Variants in LYRM9 observed in about 807,000 individuals in gnomAD.
LYRM9 encodes the protein LYR motif containing 9.
Under a neutral mutation model 12.6 loss-of-function variants are expected in LYRM9, and 14 were observed. The ratio of observed to expected loss-of-function variants is 1.11; its 90% CI spans 0.73 to 1.73. The LOEUF (loss-of-function observed/expected upper bound fraction) is 1.73. Among genes scored for constraint, LYRM9 ranks in the 40% most tolerant of loss-of-function variants. The probability of loss-of-function intolerance (pLI) is 0.00; values close to 1 mark genes in which losing one functional copy is unlikely to be tolerated. For synonymous variants in LYRM9, 42 were observed against 35.1 expected (o/e 1.20, Z -0.69); for missense variants, 94 against 95.0 (o/e 0.99, Z 0.04).
intron 2 of LYRM9, among the ~76,000 whole-genome samples, chr17:27,881,965 C>T (rs1014388380): frequency 6.6e-6 from 1 of 152,102 alleles, no homozygotes; most frequent in East Asian, 1.9e-4. Flanking sequence ...TTCTATGTTG[C>T]CCAGGTTGGT....
At chr17:27,880,231 A>T in intron 3 of LYRM9, 43 bp downstream of exon 3, 1 of 1,467,722 alleles carries the variant, frequency 6.8e-7, no homozygotes, top group Non-Finnish European at 9.4e-7. Context: ...CACAGCCATC[A>T]TCACCCCAGC....
chr17:27,885,044 G>A (rs757331928), intron 1 of LYRM9, among the ~76,000 whole-genome samples: 1 of 152,164 alleles, frequency 6.6e-6, no homozygotes, highest in Non-Finnish European at 1.5e-5. Context: ...CTCTGATGCT[G>A]GAGTGGATAG....
rs1438684104 is a variant in LYRM9 at position 27,888,920 on chromosome 17, G to C, written c.-19+4397C>G. On this transcript the variant is annotated intron_variant, in intron 1 of 3. Coordinates refer to ENST00000379102, the MANE Select transcript of LYRM9 (RefSeq NM_001076680.3). ...TGTAAAGTTCTACTCACTCCACAAAGAGCTCTACTCTTTGGGACAAAATCT... is the reference window on the plus strand; with the variant it reads ...TGTAAAGTTCTACTCACTCCACAAACAGCTCTACTCTTTGGGACAAAATCT... Among the ~76,000 whole-genome samples, 4 of 152,174 alleles carry C rather than the reference G, an allele frequency of 2.6e-5. No homozygotes were observed. The South Asian group carries it at 6.2e-4, about 24-fold the overall frequency.
intron 2 of LYRM9, 174 bp from the exon 3 acceptor site, chr17:27,880,540 T>C: frequency 1.7e-6 from 1 of 605,988 alleles, no homozygotes; most frequent in East Asian, 2.7e-5. Flanking sequence ...AGAGGCTCAC[T>C]TGCTGCTGAA....
rs1485417792 is a variant in LYRM9 at position 27,887,713 on chromosome 17, G to GGGGTGTGTGT, written c.-18-5002_-18-5001insACACACACCC. ...GAGAAACAGAACCTATAGGAGGGAG[G>GGGGTGTGTGT]GTGTGTGTGTGTGTGTGTGTGTGTG... On this transcript the variant is annotated intron_variant, in intron 1 of 3. Coordinates refer to ENST00000379102, the MANE Select transcript of LYRM9 (RefSeq NM_001076680.3). Among the ~76,000 whole-genome samples the GGGGTGTGTGT allele has an allele frequency of 3.1e-4, 27 of 86,830 alleles. No homozygotes were observed. The South Asian group carries it at 3.2e-3, about 10-fold the overall frequency. The allele number at this position is 86,830 out of a possible 152,430, so 57.0% of individuals were successfully genotyped here.
At position 27,887,719 on chromosome 17, in the gene LYRM9, T is replaced by G. The variant is rs986221767; in HGVS notation, c.-18-5007A>C. Among the ~76,000 whole-genome samples the G allele has an allele frequency of 8.9e-4, 36 of 40,246 alleles. 1 individual carries two copies. Among genetic ancestry groups the G allele is most frequent in the Admixed American group, 2.5e-3 (9 of 3,610 alleles). The allele number at this position is 40,246 out of a possible 152,430, so 26.4% of individuals were successfully genotyped here. ...CAGAACCTATAGGAGGGAGGGTGTGTGTGTGTGTGTGTGTGTGTGTGTGTG... is the reference window on the plus strand; with the variant it reads ...CAGAACCTATAGGAGGGAGGGTGTGGGTGTGTGTGTGTGTGTGTGTGTGTG... On this transcript the variant is annotated intron_variant, in intron 1 of 3. Coordinates refer to ENST00000379102, the MANE Select transcript of LYRM9 (RefSeq NM_001076680.3).
Position 27,878,384 on chromosome 17 carries a change from T to C in LYRM9, c.*1089A>G, listed in dbSNP as rs960609576. ...TCCACAAATTGATATATTTACTTCA[T>C]TGCCAGCGGAGTACACTCGCATACA... On this transcript the variant is annotated 3_prime_UTR_variant, in exon 4 of 4. Transcript: ENST00000379102. 5.9e-5 allele frequency: 9 copies of C among 152,270 alleles called. No individual in the cohort carries two copies. The highest frequency in any genetic ancestry group is 1.9e-4 in the African/African-American group (8 of 41,470). 9.4% of individuals were successfully genotyped at this position (152,270 alleles called of 1,614,324 possible).
At chr17:27,880,511 C>T in intron 2 of LYRM9, 145 bp from the exon 3 acceptor site, 4 of 619,660 alleles carry the variant, frequency 6.5e-6, no homozygotes, top group Non-Finnish European at 1.1e-5. Context: ...ATGATTATCC[C>T]ACACAGAGAT....
intron 1 of LYRM9, among the ~76,000 whole-genome samples, chr17:27,890,289 T>C (rs1237375894): frequency 6.6e-6 from 1 of 152,160 alleles, no homozygotes; most frequent in Non-Finnish European, 1.5e-5. Context: ...GGCACTTGAC[T>C]GCACTATTAT....
intron 1 of LYRM9, among the ~76,000 whole-genome samples, chr17:27,885,112 T>C (rs944835234): frequency 1.3e-5 from 2 of 152,128 alleles, no homozygotes; most frequent in African/African-American, 4.8e-5. Context: ...CAATGTGTGA[T>C]CTGGGGTGCA....
At chr17:27,882,919 G>T (rs1198241912) in intron 1 of LYRM9, 2 of 663,464 alleles carry the variant, frequency 3.0e-6, no homozygotes, top group Admixed American at 4.2e-5. Context: ...GACCAAAGGT[G>T]AGTGTGGAGG....
chr17:27,892,939 G>A (rs1905507140), intron 1 of LYRM9: 1 of 152,700 alleles, frequency 6.5e-6, no homozygotes, highest in Non-Finnish European at 1.5e-5. Context: ...GCCACCGGGT[G>A]CCGCGGGCAG....
intron 1 of LYRM9, 21 bp downstream of exon 1, chr17:27,893,296 G>C (rs1306446125): frequency 1.3e-5 from 2 of 152,738 alleles, no homozygotes; most frequent in Non-Finnish European, 2.9e-5. Flanking sequence ...CCTCGGCCTC[G>C]GCCTGCGCAG....
chr17:27,880,103 G>A, intron 3 of LYRM9, 171 bp downstream of exon 3: 1 of 708,938 alleles, frequency 1.4e-6, no homozygotes, highest in Non-Finnish European at 2.6e-6. Context: ...AATGCAACCA[G>A]AAGGGATTTG....
intron 1 of LYRM9, among the ~76,000 whole-genome samples, chr17:27,890,935 G>T (rs907448928): frequency 1.4e-5 from 2 of 140,876 alleles, no homozygotes; most frequent in African/African-American, 5.4e-5. Context: ...GCCTCCCCCA[G>T]TCCCTCTCCT....
chr17:27,883,569 A>C (rs1905135705), intron 1 of LYRM9, among the ~76,000 whole-genome samples: 1 of 151,688 alleles, frequency 6.6e-6, no homozygotes, highest in Non-Finnish European at 1.5e-5. Flanking sequence ...AGGATCACTT[A>C]AACCCCAGAA....
intron 1 of LYRM9, among the ~76,000 whole-genome samples, chr17:27,885,705 A>G (rs1905209975): frequency 6.7e-6 from 1 of 149,982 alleles, no homozygotes; most frequent in Non-Finnish European, 1.5e-5. Context: ...CTGTCTCAAA[A>G]AAAAAAAAAA....
chr17:27,888,115 C>T (rs1567665412), intron 1 of LYRM9, among the ~76,000 whole-genome samples: 2 of 152,344 alleles, frequency 1.3e-5, no homozygotes, highest in African/African-American at 2.4e-5. Flanking sequence ...GCCAAGTTGA[C>T]ACATAAAATT....
rs1219362765 is a variant in LYRM9, at chr17:27,886,210, A to T, written c.-18-3498T>A. On this transcript the variant is annotated intron_variant, in intron 1 of 3. Transcript: ENST00000379102. The surrounding 1 kb of genome is among the most constrained non-coding windows in gnomAD (Gnocchi z 4.8). ...AAAATTAACATTTGGAAAGAGCACA[A>T]CTTTGTTTCATTACTTAAAAACTCA... is the stretch of plus-strand genomic sequence containing the variant. 2.0e-5 allele frequency among the ~76,000 whole-genome samples: 3 copies of T among 152,194 alleles called. No individual in the cohort carries two copies. Among genetic ancestry groups the T allele is most frequent in the African/African-American group, 7.2e-5 (3 of 41,444 alleles).
Sources: gnomAD v4.1 joint callset for allele counts (sites outside exome capture counted in the v4.1 genomes callset) on GRCh38, gnomAD v4.1.1 for gene constraint, Gnocchi (gnomAD v3.1) non-coding constraint, MANE v1.5 for transcripts, NCBI Gene and HGNC (gene_info 2026-07-23, HGNC 2026-07-21) for gene names.